Variants in CNTN3 observed in about 807,000 individuals in gnomAD.
CNTN3 encodes contactin-3.
Under a neutral mutation model 119.1 loss-of-function variants are expected in CNTN3, and 60 were observed. That is an observed-to-expected ratio of 0.50 (90% CI 0.41 to 0.62). The LOEUF is 0.62. Ranked by LOEUF, CNTN3 falls within the 20% of genes least tolerant of loss-of-function variation. The pLI, the probability that CNTN3 is intolerant of heterozygous loss-of-function variation, is 0.00. For missense variants in CNTN3, 1,101 were observed against 1,242.4 expected, an observed-to-expected ratio of 0.89 and a Z score of 1.71; for synonymous variants, 450 against 438.7, an observed-to-expected ratio of 1.03 and a Z score of -0.32.
chr3:74,589,058 T>C (rs1255917415), intron 1 of CNTN3, among the ~76,000 whole-genome samples: 1 of 151,118 alleles, frequency 6.6e-6, no homozygotes, highest in African/African-American at 2.4e-5. Context: ...AAGGACTTCA[T>C]GTCTAAAACA....
rs141287345 is a variant in CNTN3, at chr3:74,287,507, A to T, written c.2518-2016T>A. On this transcript the variant is annotated intron_variant, in intron 19 of 22. Transcript: ENST00000263665. Reference sequence around the variant, plus strand: ...AGACAAAAAGAATTATGTTCATACTAATAGATTTTCAAAGACAAATATTTT... The same window carrying T: ...AGACAAAAAGAATTATGTTCATACTTATAGATTTTCAAAGACAAATATTTT... 5.9e-3 allele frequency among the ~76,000 whole-genome samples: 900 copies of T among 152,348 alleles called. 10 individuals carry two copies. Among genetic ancestry groups the T allele is most frequent in the South Asian group, 0.012 (59 of 4,826 alleles).
intron 11 of CNTN3, among the ~76,000 whole-genome samples, chr3:74,351,449 T>C (rs1703812133): frequency 1.3e-5 from 2 of 152,180 alleles, no homozygotes; most frequent in African/African-American, 4.8e-5. Flanking sequence ...AAGCCAAGGC[T>C]CAGGAATTAT....
At chr3:74,598,532 T>C (rs1018302331) in intron 1 of CNTN3, among the ~76,000 whole-genome samples, 1 of 152,102 alleles carries the variant, frequency 6.6e-6, no homozygotes, top group Admixed American at 6.6e-5. Flanking sequence ...TGATCGCAGC[T>C]CACTGAAGTC....
chr3:74,482,226 A>G (rs1411252215), intron 4 of CNTN3, among the ~76,000 whole-genome samples: 3 of 152,004 alleles, frequency 2.0e-5, no homozygotes, highest in Non-Finnish European at 2.9e-5. Flanking sequence ...TACAGAAAAT[A>G]TTAGCAAACA....
intron 11 of CNTN3, among the ~76,000 whole-genome samples, chr3:74,357,253 C>A (rs1258626401): frequency 6.6e-6 from 1 of 151,304 alleles, no homozygotes. Context: ...ATACGATTTA[C>A]ATAGAAGGCA....
chr3:74,491,469 C>T (rs1702962863), intron 3 of CNTN3, among the ~76,000 whole-genome samples: 1 of 152,064 alleles, frequency 6.6e-6, no homozygotes, highest in African/African-American at 2.4e-5. Flanking sequence ...CACTGCACTC[C>T]AGTGTTGGCA....
At chr3:74,309,426 A>G (rs550808148) in intron 13 of CNTN3, among the ~76,000 whole-genome samples, 1 of 152,288 alleles carries the variant, frequency 6.6e-6, no homozygotes, top group Non-Finnish European at 1.5e-5. Context: ...CTCATTCTAT[A>G]TTATATTATT....
intron 5 of CNTN3, among the ~76,000 whole-genome samples, chr3:74,417,255 T>C (rs1299348664): frequency 6.6e-6 from 1 of 152,170 alleles, no homozygotes; most frequent in African/African-American, 2.4e-5. Context: ...GAGGACAGAA[T>C]TCCTATCTAT....
At chr3:74,526,218 C>CAA (rs56276632) in intron 1 of CNTN3, among the ~76,000 whole-genome samples, 77 of 150,144 alleles carry the variant, frequency 5.1e-4, no homozygotes, top group East Asian at 7.9e-4. Context: ...TAATCTTCAC[C>CAA]AAAAAAAAAC....
chr3:74,404,304 A>T (rs1253812365), intron 5 of CNTN3, among the ~76,000 whole-genome samples: 1 of 152,126 alleles, frequency 6.6e-6, no homozygotes, highest in Non-Finnish European at 1.5e-5. Context: ...ATTTTTTTAA[A>T]TTCAGCAACT....
intron 1 of CNTN3, among the ~76,000 whole-genome samples, chr3:74,538,431 T>A (rs1024813076): frequency 6.6e-6 from 1 of 152,150 alleles, no homozygotes; most frequent in Non-Finnish European, 1.5e-5. Flanking sequence ...TCCCTGTGTA[T>A]GCCTCCTGAG....
At chr3:74,560,753 A>G (rs1282933701) in intron 1 of CNTN3, among the ~76,000 whole-genome samples, 2 of 152,152 alleles carry the variant, frequency 1.3e-5, no homozygotes, top group Non-Finnish European at 2.9e-5. Flanking sequence ...TACTCACAAT[A>G]GCAAAGACTT....
At chr3:74,343,763 C>G (rs1458987166) in intron 11 of CNTN3, among the ~76,000 whole-genome samples, 1 of 152,182 alleles carries the variant, frequency 6.6e-6, no homozygotes, top group Non-Finnish European at 1.5e-5. Context: ...CTAGCGGATT[C>G]TTCAAAATGC....
chr3:74,489,223 C>T (rs929088201), intron 3 of CNTN3, among the ~76,000 whole-genome samples: 2 of 152,136 alleles, frequency 1.3e-5, no homozygotes, highest in Non-Finnish European at 2.9e-5. Flanking sequence ...TCAGAATCTG[C>T]ATCTTAAGAT....
At chr3:74,443,520 A>G (rs1044740140) in intron 4 of CNTN3, among the ~76,000 whole-genome samples, 3 of 152,050 alleles carry the variant, frequency 2.0e-5, no homozygotes, top group Admixed American at 2.0e-4. Context: ...ACTCTTTCGC[A>G]TGGCTGATGT....
At chr3:74,457,963 C>T (rs1398513819) in intron 4 of CNTN3, among the ~76,000 whole-genome samples, 2 of 151,502 alleles carry the variant, frequency 1.3e-5, no homozygotes, top group African/African-American at 4.9e-5. Flanking sequence ...TGAGTTTACC[C>T]TGGCTTGACC....
At position 74,490,323 on chromosome 3, in the gene CNTN3, A is replaced by T. The variant is rs1056332696; in HGVS notation, c.183-3692T>A. ...AAACACTTTTGAAGGAAAGACTCTC[A>T]TGACAAAGGGCACTTGAGTTTATCT... is the stretch of plus-strand genomic sequence containing the variant. On this transcript the variant is annotated intron_variant, in intron 3 of 22. Coordinates refer to ENST00000263665, the MANE Select transcript of CNTN3 (RefSeq NM_020872.3). 2.0e-5 allele frequency among the ~76,000 whole-genome samples: 3 copies of T among 152,216 alleles called. No individual in the cohort carries two copies. The East Asian group carries it at 5.8e-4, about 29-fold the overall frequency.
chr3:74,323,939 T>C (rs564470851), intron 13 of CNTN3, among the ~76,000 whole-genome samples: 2 of 152,174 alleles, frequency 1.3e-5, no homozygotes, highest in African/African-American at 4.8e-5. Context: ...TATTTAAAAT[T>C]TGGAGGAACT....
At chr3:74,479,214 C>T (rs1376584125) in intron 4 of CNTN3, among the ~76,000 whole-genome samples, 3 of 152,034 alleles carry the variant, frequency 2.0e-5, no homozygotes, top group Non-Finnish European at 2.9e-5. Flanking sequence ...TTAAAGGACT[C>T]ATGTTTTGAA....
Sources: gnomAD v4.1 joint callset for allele counts (sites outside exome capture counted in the v4.1 genomes callset) on GRCh38, gnomAD v4.1.1 for gene constraint, MANE v1.5 for transcripts, NCBI Gene and HGNC (gene_info 2026-07-23, HGNC 2026-07-21) for gene names.